Variants in DENND1A observed in about 807,000 individuals in gnomAD.
DENND1A encodes the protein DENN domain-containing protein 1A.
DENND1A carries 51 observed loss-of-function variants against 113.7 expected under a neutral mutation model. The observed-to-expected ratio is 0.45, with a 90% CI of 0.36 to 0.57. The LOEUF is 0.57. DENND1A is among the 20% of genes least tolerant of loss of function. DENND1A has a pLI of 0.00. For missense variants in DENND1A, 1,258 were observed against 1,395.9 expected, an observed-to-expected ratio of 0.90 and a Z score of 1.57; for synonymous variants, 565 against 570.8, an observed-to-expected ratio of 0.99 and a Z score of 0.14.
chr9:123,733,014 T>C (rs992901189), intron 5 of DENND1A, among the ~76,000 whole-genome samples: 2 of 152,162 alleles, frequency 1.3e-5, no homozygotes, highest in African/African-American at 4.8e-5. Context: ...GGAGTTTTGC[T>C]CTTGTTGCCC....
intron 22 of DENND1A, among the ~76,000 whole-genome samples, chr9:123,384,152 CAG>C (rs1434247746): frequency 1.3e-5 from 2 of 152,176 alleles, no homozygotes; most frequent in East Asian, 1.9e-4. Context: ...CACTTGCACT[CAG>C]GGGACCCATT....
intron 4 of DENND1A, among the ~76,000 whole-genome samples, chr9:123,765,764 T>C (rs1828695354): frequency 6.6e-6 from 1 of 152,200 alleles, no homozygotes; most frequent in African/African-American, 2.4e-5. Context: ...AGACTATTTT[T>C]ATTAGTAATA....
chr9:123,890,766 T>C (rs1416028951), intron 1 of DENND1A, among the ~76,000 whole-genome samples: 2 of 152,236 alleles, frequency 1.3e-5, no homozygotes, highest in Non-Finnish European at 2.9e-5. Flanking sequence ...AGCTGGAATT[T>C]GAACCCAGAG....
chr9:123,596,835 G>C (rs956537568), intron 11 of DENND1A, among the ~76,000 whole-genome samples: 5 of 152,186 alleles, frequency 3.3e-5, no homozygotes, highest in Non-Finnish European at 7.3e-5. Flanking sequence ...TCCTAATTAT[G>C]TGTGTGACTT....
chr9:123,900,294 T>C (rs1851404027), intron 1 of DENND1A, among the ~76,000 whole-genome samples: 1 of 152,196 alleles, frequency 6.6e-6, no homozygotes, highest in South Asian at 2.1e-4. Context: ...TATGTAATTA[T>C]GCAATATACA....
At chr9:123,918,756 CA>C (rs1485299538) in intron 1 of DENND1A, among the ~76,000 whole-genome samples, 1 of 152,060 alleles carries the variant, frequency 6.6e-6, no homozygotes, top group African/African-American at 2.4e-5. Flanking sequence ...ACAAGTATCC[CA>C]GCTAGTATGA....
chr9:123,385,447 G>A (rs937721069), intron 22 of DENND1A, among the ~76,000 whole-genome samples: 1 of 152,232 alleles, frequency 6.6e-6, no homozygotes, highest in African/African-American at 2.4e-5. Context: ...ACAGGTGTGA[G>A]CCATTGCGCC....
intron 2 of DENND1A, among the ~76,000 whole-genome samples, chr9:123,803,043 C>T (rs1834965972): frequency 6.6e-6 from 1 of 152,192 alleles, no homozygotes; most frequent in African/African-American, 2.4e-5. Context: ...ACATGATTCT[C>T]CTTACATAGC....
intron 23 of DENND1A, among the ~76,000 whole-genome samples, chr9:123,383,009 G>A (rs2130862838): frequency 6.6e-6 from 1 of 152,360 alleles, no homozygotes; most frequent in East Asian, 1.9e-4. Context: ...CTTGGCTGGG[G>A]AGGAAGGAGG....
At chr9:123,917,982 C>T (rs1265748913) in intron 1 of DENND1A, among the ~76,000 whole-genome samples, 4 of 150,476 alleles carry the variant, frequency 2.7e-5, no homozygotes, top group South Asian at 2.1e-4. Context: ...GGCGTGGTGG[C>T]GGGCACCTGT....
intron 5 of DENND1A, among the ~76,000 whole-genome samples, chr9:123,677,985 T>C (rs935363298): frequency 1.3e-5 from 2 of 152,076 alleles, no homozygotes; most frequent in African/African-American, 4.8e-5. Context: ...ACTGGGCCCT[T>C]TTCTCCCAGA....
intron 9 of DENND1A, among the ~76,000 whole-genome samples, chr9:123,639,063 A>AAAAAAAG (rs2061878045): frequency 2.7e-5 from 4 of 146,504 alleles, no homozygotes; most frequent in South Asian, 2.3e-4. Flanking sequence ...AAAAAAAAAA[A>AAAAAAAG]AAAGAAAGAA....
intron 2 of DENND1A, chr9:123,798,193 A>C (rs994353319): frequency 6.6e-6 from 1 of 152,218 alleles, no homozygotes; most frequent in Non-Finnish European, 1.5e-5. Flanking sequence ...ACATAGGAAC[A>C]GTTAACCATC....
intron 3 of DENND1A, among the ~76,000 whole-genome samples, chr9:123,771,331 C>CA (rs1564238242): frequency 6.6e-6 from 1 of 152,146 alleles, no homozygotes; most frequent in Non-Finnish European, 1.5e-5. Context: ...ATAAAGTATA[C>CA]TACAATTCAC....
At chr9:123,481,245 C>G (rs746864233) in intron 13 of DENND1A, among the ~76,000 whole-genome samples, 6 of 152,176 alleles carry the variant, frequency 3.9e-5, no homozygotes. Context: ...AATTATGAGG[C>G]TAAAATATGC....
intron 11 of DENND1A, 47 bp from the exon 12 acceptor site, chr9:123,583,317 C>G: frequency 7.1e-7 from 1 of 1,408,780 alleles, no homozygotes; most frequent in South Asian, 1.2e-5. Context: ...GAGGTGCCAT[C>G]AAGACACACT....
intron 5 of DENND1A, among the ~76,000 whole-genome samples, chr9:123,713,695 GA>G (rs146131531): frequency 4.7e-5 from 7 of 148,142 alleles, no homozygotes; most frequent in South Asian, 2.1e-4. Context: ...AAGACAATTA[GA>G]AAAAAAAAAC....
intron 2 of DENND1A, among the ~76,000 whole-genome samples, chr9:123,861,787 G>T (rs994635746): frequency 1.3e-4 from 20 of 152,146 alleles, no homozygotes; most frequent in African/African-American, 4.8e-4. Flanking sequence ...TTCTTGTAAA[G>T]TCTTGGGAGT....
chr9:123,671,080 G>A (rs1280836441), intron 7 of DENND1A, among the ~76,000 whole-genome samples: 1 of 152,102 alleles, frequency 6.6e-6, no homozygotes, highest in East Asian at 1.9e-4. Context: ...GGAGGGTGGG[G>A]ACATTCAGGA....
Sources: gnomAD v4.1 joint callset for allele counts (sites outside exome capture counted in the v4.1 genomes callset) on GRCh38, gnomAD v4.1.1 for gene constraint, MANE v1.5 for transcripts, NCBI Gene and HGNC (gene_info 2026-07-23, HGNC 2026-07-21) for gene names.